ASTN1: variants seen among roughly 807,000 people sequenced by gnomAD.
ASTN1 encodes astrotactin 1.
Under a neutral mutation model 140.7 loss-of-function variants are expected in ASTN1, and 41 were observed. The ratio of observed to expected loss-of-function variants is 0.29; its 90% CI spans 0.23 to 0.38. The LOEUF (loss-of-function observed/expected upper bound fraction) is 0.38. Ranked by LOEUF, ASTN1 falls within the 10% of genes least tolerant of loss-of-function variation. The pLI is 1.00. For synonymous variants in ASTN1, 640 were observed against 652.2 expected (o/e 0.98, Z 0.29); for missense variants, 1,479 against 1,678.8 (o/e 0.88, Z 2.08).
intron 1 of ASTN1, among the ~76,000 whole-genome samples, chr1:177,111,139 C>T (rs919112503): frequency 6.6e-6 from 1 of 152,188 alleles, no homozygotes; most frequent in Non-Finnish European, 1.5e-5. Flanking sequence ...TGTTAAGCCC[C>T]TCTTCTTTGC....
At chr1:176,907,245 C>T (rs2103055010) in intron 16 of ASTN1, among the ~76,000 whole-genome samples, 1 of 152,288 alleles carries the variant, frequency 6.6e-6, no homozygotes, top group African/African-American at 2.4e-5. Context: ...TTGAGATCCA[C>T]CACCCTGGAC....
At position 177,074,119 on chromosome 1, in the gene ASTN1, T is replaced by A. The variant is rs938581937; in HGVS notation, c.284-12854A>T. Among the ~76,000 whole-genome samples, 16 of 152,264 alleles carry A rather than the reference T, an allele frequency of 1.1e-4. 1 individual carries two copies. The East Asian group carries it at 1.9e-3, about 18-fold the overall frequency. ...AATGAACTCTAAGTTATTTCCTGAA[T>A]CATTAATGATATGACAAAGATCCTT... On this transcript the variant is annotated intron_variant, in intron 1 of 22. Coordinates refer to ENST00000361833, the MANE Select transcript of ASTN1 (RefSeq NM_004319.3).
intron 18 of ASTN1, among the ~76,000 whole-genome samples, chr1:176,884,773 T>C (rs968492453): frequency 6.6e-6 from 1 of 152,238 alleles, no homozygotes; most frequent in African/African-American, 2.4e-5. Flanking sequence ...GCATATTACA[T>C]GGGTCAGAGG....
chr1:176,893,613 A>G (rs1250354582), intron 17 of ASTN1, among the ~76,000 whole-genome samples: 1 of 152,214 alleles, frequency 6.6e-6, no homozygotes, highest in Admixed American at 6.5e-5. Context: ...AACAAACACC[A>G]GGTGTTCCTT....
intron 8 of ASTN1, among the ~76,000 whole-genome samples, chr1:176,995,078 T>C (rs1674374087): frequency 6.6e-6 from 1 of 152,192 alleles, no homozygotes; most frequent in Admixed American, 6.5e-5. Flanking sequence ...GGGAATGCAC[T>C]GAGAAAGTCA....
intron 16 of ASTN1, among the ~76,000 whole-genome samples, chr1:176,923,834 T>C (rs769057022): frequency 2.0e-5 from 3 of 152,306 alleles, no homozygotes; most frequent in Non-Finnish European, 2.9e-5. Flanking sequence ...TCCCAAAAGA[T>C]GTGAAAACTC....
At chr1:177,095,541 C>T (rs1469828921) in intron 1 of ASTN1, among the ~76,000 whole-genome samples, 1 of 152,168 alleles carries the variant, frequency 6.6e-6, no homozygotes, top group Non-Finnish European at 1.5e-5. Flanking sequence ...GCTCAGGGCC[C>T]TGTGGTAACC....
chr1:176,915,782 G>A (rs993169713), intron 16 of ASTN1, among the ~76,000 whole-genome samples: 3 of 152,122 alleles, frequency 2.0e-5, no homozygotes, highest in African/African-American at 7.2e-5. Context: ...ATAAGGTCCC[G>A]ATGTCTCACA....
At chr1:177,053,207 T>G (rs1259152916) in intron 2 of ASTN1, among the ~76,000 whole-genome samples, 3 of 152,208 alleles carry the variant, frequency 2.0e-5, no homozygotes, top group African/African-American at 7.2e-5. Flanking sequence ...TGAAACTGAG[T>G]AGTTGAAAGT....
chr1:177,002,819 C>T (rs1329736817), intron 8 of ASTN1, among the ~76,000 whole-genome samples: 1 of 152,058 alleles, frequency 6.6e-6, no homozygotes, highest in East Asian at 1.9e-4. Flanking sequence ...AATTACTCAC[C>T]TTTTTTTAAA....
intron 21 of ASTN1, among the ~76,000 whole-genome samples, chr1:176,875,903 T>C (rs1668540100): frequency 6.6e-6 from 1 of 152,186 alleles, no homozygotes; most frequent in Non-Finnish European, 1.5e-5. Context: ...CAGGGGATGA[T>C]GTCAAGACCA....
chr1:177,141,200 G>C (rs966805544), intron 1 of ASTN1, among the ~76,000 whole-genome samples: 15 of 152,012 alleles, frequency 9.9e-5, no homozygotes, highest in African/African-American at 3.6e-4. Flanking sequence ...TGGGCAAAAA[G>C]AGCAAAATTC....
chr1:177,024,635 G>A lies in ASTN1; in HGVS notation c.1218C>T (p.Cys406=), dbSNP rs1676007952. Residue 406 remains cysteine (C), a synonymous_variant, in exon 6 of 23, where the codon TGC becomes TGT. Transcript: ENST00000361833. ...GCAGGGTGATCTTGACAACGAGAGG[G>A]CAGTTGACGTGAGAGGAGCACACGA... The part of the protein sequence containing the change: ...IGLVCSSHVN[C]PLVVKITLHV... The A allele has an allele frequency of 1.2e-6, 2 of 1,614,028 alleles. No individual in the cohort carries two copies. Among genetic ancestry groups the A allele is most frequent in the Non-Finnish European group, 8.5e-7 (1 of 1,179,986 alleles).
In ASTN1 at chr1:177,034,244, AACACACACACACAC is replaced by A. The variant is rs5778922; in HGVS notation, c.472-1409_472-1396del. Among the ~76,000 whole-genome samples, 45 of 143,382 alleles carry A rather than the reference AACACACACACACAC, an allele frequency of 3.1e-4. 1 individual carries two copies. In the East Asian group the frequency reaches 3.8e-3, roughly 12 times the overall value. 94.1% of individuals were successfully genotyped at this position (143,382 alleles called of 152,430 possible). A position where few individuals can be genotyped will look rare whatever the true frequency, so the allele number is the denominator to read the frequency against. On this transcript the variant is annotated intron_variant, in intron 2 of 22. Coordinates refer to ENST00000361833, the MANE Select transcript of ASTN1 (RefSeq NM_004319.3). ...CTCTCACCATCGCTGTGAGCAAAGG[AACACACACACACAC>A]ACACACACACACACACACACACACA...
intron 1 of ASTN1, among the ~76,000 whole-genome samples, chr1:177,072,226 G>T (rs965627671): frequency 1.3e-5 from 2 of 152,192 alleles, no homozygotes; most frequent in African/African-American, 2.4e-5. Context: ...AGTAAACACT[G>T]TCAGGAGTTT....
At chr1:177,072,359 C>T (rs1678684021) in intron 1 of ASTN1, among the ~76,000 whole-genome samples, 1 of 152,146 alleles carries the variant, frequency 6.6e-6, no homozygotes, top group African/African-American at 2.4e-5. Context: ...AGAATCACAT[C>T]TGCATAGTAT....
At chr1:176,908,251 G>A (rs1437566867) in intron 16 of ASTN1, among the ~76,000 whole-genome samples, 1 of 152,164 alleles carries the variant, frequency 6.6e-6, no homozygotes, top group Admixed American at 6.5e-5. Context: ...CAGCCAGGCA[G>A]ACATACAGAC....
intron 1 of ASTN1, among the ~76,000 whole-genome samples, chr1:177,074,082 G>A (rs1678775883): frequency 6.6e-6 from 1 of 152,028 alleles, no homozygotes; most frequent in African/African-American, 2.4e-5. Context: ...AGTGTTTTCA[G>A]AGAATGATTT....
intron 1 of ASTN1, among the ~76,000 whole-genome samples, chr1:177,089,385 G>A (rs1440326301): frequency 6.6e-6 from 1 of 152,130 alleles, no homozygotes. Flanking sequence ...TTTGGTTAAT[G>A]TATTAATCTC....
Sources: allele counts gnomAD v4.1 joint callset (sites outside exome capture counted in the v4.1 genomes callset), GRCh38; gene constraint gnomAD v4.1.1; transcripts MANE v1.5; gene names NCBI Gene and HGNC (gene_info 2026-07-23, HGNC 2026-07-21).